The following PVT1 variants were observed in gnomAD, a reference collection of about 807,000 sequenced individuals.
PVT1 encodes the protein CXCR4/PVT1 fusion.
chr8:128,074,536 A>C (rs2648887), intron 5 of PVT1, among the ~76,000 whole-genome samples: 1 of 141,842 alleles, frequency 7.1e-6, no homozygotes, highest in Admixed American at 7.0e-5. Flanking sequence ...AAAAAAAAAA[A>C]GGGGGGGGCT....
intron 3 of PVT1, among the ~76,000 whole-genome samples, chr8:127,915,873 C>T (rs930078637): frequency 2.6e-5 from 4 of 152,232 alleles, no homozygotes; most frequent in South Asian, 2.1e-4. Flanking sequence ...ATTCTTGGCT[C>T]ATGCCAAGTG....
At chr8:127,867,285 G>T (rs796294774) in intron 2 of PVT1, among the ~76,000 whole-genome samples, 3 of 152,216 alleles carry the variant, frequency 2.0e-5, no homozygotes, top group Non-Finnish European at 2.9e-5. Flanking sequence ...GGTCCAAGCC[G>T]CCACAGCCTG....
rs116226289 is a variant in PVT1, at chr8:127,879,175, C to G, written n.373-11414C>G. Reference sequence around the variant, plus strand: ...TTTAGAAGCTTCTTATCCTATGGCTCTGCCTCCAGTCTTTCTCATCACATA... The same window carrying G: ...TTTAGAAGCTTCTTATCCTATGGCTGTGCCTCCAGTCTTTCTCATCACATA... On this transcript the variant is annotated intron_variant and non_coding_transcript_variant, in intron 2 of 10. Coordinates refer to ENST00000651587, the Ensembl canonical transcript of PVT1. 3.1e-3 allele frequency among the ~76,000 whole-genome samples: 468 copies of G among 152,340 alleles called. 7 individuals are homozygous for G. Among genetic ancestry groups the G allele is most frequent in the African/African-American group, 0.011 (451 of 41,564 alleles).
chr8:127,857,655 A>C (rs1815176143), intron 2 of PVT1, among the ~76,000 whole-genome samples: 1 of 152,212 alleles, frequency 6.6e-6, no homozygotes, highest in Non-Finnish European at 1.5e-5. Context: ...CACTCAGTCT[A>C]GGCCACAGAG....
chr8:128,053,850 C>T (rs1813729516), intron 4 of PVT1, among the ~76,000 whole-genome samples: 1 of 152,260 alleles, frequency 6.6e-6, no homozygotes, highest in Non-Finnish European at 1.5e-5. Flanking sequence ...CAGGCCAGGG[C>T]AGCCAGCCTG....
At chr8:127,930,598 G>A (rs980226272) in intron 3 of PVT1, among the ~76,000 whole-genome samples, 1 of 152,170 alleles carries the variant, frequency 6.6e-6, no homozygotes, top group African/African-American at 2.4e-5. Flanking sequence ...GATGGTGTGT[G>A]TGTGCATCTC....
chr8:127,993,478 A>G (rs79832109), intron 4 of PVT1, among the ~76,000 whole-genome samples: 2,928 of 152,340 alleles, frequency 0.019, 42 homozygotes, highest in South Asian at 0.035. Flanking sequence ...GCTGGGCTTT[A>G]GAATAGTCAA....
intron 4 of PVT1, among the ~76,000 whole-genome samples, chr8:128,019,013 C>A (rs553184567): frequency 1.1e-4 from 16 of 152,330 alleles, no homozygotes. Flanking sequence ...GGAAAGACCT[C>A]AGCTGTCTAG....
chr8:127,999,609 A>G (rs896939602), intron 4 of PVT1, among the ~76,000 whole-genome samples: 7 of 151,990 alleles, frequency 4.6e-5, no homozygotes, highest in Admixed American at 6.6e-5. Context: ...TTACAGGTGC[A>G]CACCACCACA....
At chr8:127,994,713 C>T (rs1817085047) in intron 4 of PVT1, among the ~76,000 whole-genome samples, 1 of 152,202 alleles carries the variant, frequency 6.6e-6, no homozygotes, top group Non-Finnish European at 1.5e-5. Flanking sequence ...TAGGAAACAG[C>T]TGTCGTGTCA....
rs1817391248 is a variant in PVT1 at position 128,017,857 on chromosome 8, G to A, written n.912+28566G>A. Among the ~76,000 whole-genome samples the A allele has an allele frequency of 2.6e-5, 4 of 152,108 alleles. No individual in the cohort carries two copies. The South Asian group carries it at 8.3e-4, about 32-fold the overall frequency. ...CTCTGGGGCTCTCACTCCTTGTGTCGGGGGTGATGCCACATGTGGCCCAGC... is the reference window on the plus strand; with the variant it reads ...CTCTGGGGCTCTCACTCCTTGTGTCAGGGGTGATGCCACATGTGGCCCAGC... On this transcript the variant is annotated intron_variant and non_coding_transcript_variant, in intron 4 of 10. Transcript: ENST00000651587.
intron 4 of PVT1, among the ~76,000 whole-genome samples, chr8:127,999,870 A>G (rs1186358463): frequency 6.6e-6 from 1 of 152,248 alleles, no homozygotes; most frequent in Non-Finnish European, 1.5e-5. Flanking sequence ...GAGTGGGCTG[A>G]GAACATTGGA....
In PVT1 at chr8:128,093,785, G is replaced by A. The variant is rs10110795; in HGVS notation, n.1115-2733G>A. Among the ~76,000 whole-genome samples the A allele has an allele frequency of 1.7e-3, 256 of 151,846 alleles. 1 individual carries two copies. The highest frequency in any genetic ancestry group is 5.1e-3 in the African/African-American group (213 of 41,450). ...CCTGAGTGGCTGGGATTACAGGTGC[G>A]CGCCACCACGCCCAGTTAATTTTTG... is the stretch of plus-strand genomic sequence containing the variant. On this transcript the variant is annotated intron_variant and non_coding_transcript_variant, in intron 5 of 10. Coordinates refer to ENST00000651587, the Ensembl canonical transcript of PVT1.
chr8:127,927,728 A>C (rs1816148076), intron 3 of PVT1, among the ~76,000 whole-genome samples: 1 of 152,174 alleles, frequency 6.6e-6, no homozygotes, highest in African/African-American at 2.4e-5. Context: ...CCATCCTGAA[A>C]GTCATCTGTA....
At chr8:127,979,121 G>T (rs2129976400) in intron 3 of PVT1, among the ~76,000 whole-genome samples, 1 of 152,326 alleles carries the variant, frequency 6.6e-6, no homozygotes, top group Admixed American at 6.5e-5. Flanking sequence ...TCAACCAAAT[G>T]TGTAAGTTCA....
chr8:127,946,269 G>C (rs1452110213), intron 3 of PVT1, among the ~76,000 whole-genome samples: 1 of 152,216 alleles, frequency 6.6e-6, no homozygotes, highest in Non-Finnish European at 1.5e-5. Context: ...GACACTCTTA[G>C]GTGCTAGGGA....
chr8:127,841,799 C>T (rs931128633), intron 2 of PVT1, among the ~76,000 whole-genome samples: 1 of 152,028 alleles, frequency 6.6e-6, no homozygotes, highest in Non-Finnish European at 1.5e-5. Context: ...AATCTTGGCT[C>T]ACTGCAACCT....
At chr8:127,952,787 C>T (rs1031680111) in intron 3 of PVT1, among the ~76,000 whole-genome samples, 14 of 148,100 alleles carry the variant, frequency 9.5e-5, no homozygotes, top group South Asian at 6.4e-4. Flanking sequence ...TTTTTTGAGA[C>T]GGAGTCTCGC....
At position 127,997,044 on chromosome 8, in the gene PVT1, G is replaced by GTTTTTTTTTT. The variant is rs1293036762; in HGVS notation, n.912+7756_912+7765dup. Among the ~76,000 whole-genome samples the GTTTTTTTTTT allele has an allele frequency of 3.6e-4, 29 of 81,586 alleles. 9 individuals carry two copies. Among genetic ancestry groups the GTTTTTTTTTT allele is most frequent in the South Asian group, 1.0e-3 (2 of 1,944 alleles). 53.5% of individuals were successfully genotyped at this position (81,586 alleles called of 152,430 possible). On this transcript the variant is annotated intron_variant and non_coding_transcript_variant, in intron 4 of 10. Coordinates refer to ENST00000651587, the Ensembl canonical transcript of PVT1. ...GAACATTCACTGGTCATTTGCTTTC[G>GTTTTTTTTTT]TTTTTTTTTTTTGTTTGTTTGTTTT...
Sources: gnomAD v4.1 joint callset for allele counts (sites outside exome capture counted in the v4.1 genomes callset) on GRCh38, gnomAD v4.1.1 for gene constraint, MANE v1.5 for transcripts, NCBI Gene and HGNC (gene_info 2026-07-23, HGNC 2026-07-21) for gene names.